The following HM13 variants were observed in gnomAD, a reference collection of about 807,000 sequenced individuals.
The protein encoded by HM13 is histocompatibility minor 13.
HM13 carries 18 observed loss-of-function variants against 50.0 expected under a neutral mutation model. That is an observed-to-expected ratio of 0.36 (90% CI 0.25 to 0.53). The LOEUF is 0.53. HM13 is among the 20% of genes least tolerant of loss of function. The pLI is 0.90. For missense variants in HM13, 393 were observed against 552.4 expected, an observed-to-expected ratio of 0.71 and a Z score of 2.89; for synonymous variants, 197 against 232.6, an observed-to-expected ratio of 0.85 and a Z score of 1.39.
At chr20:31,516,634 G>A (rs1981798805) in intron 1 of HM13, among the ~76,000 whole-genome samples, 1 of 152,194 alleles carries the variant, frequency 6.6e-6, no homozygotes, top group South Asian at 2.1e-4. Context: ...GAGAGGTACG[G>A]AGGCAGGAGG....
chr20:31,564,851 C>CAAAAAAAAA (rs11476071), intron 10 of HM13, among the ~76,000 whole-genome samples: 1 of 116,684 alleles, frequency 8.6e-6, no homozygotes, highest in Non-Finnish European at 1.9e-5. Context: ...CTCAAAATCA[C>CAAAAAAAAA]AAAAAAAAAA....
chr20:31,568,276 C>T (rs1241527886), intron 12 of HM13, 52 bp downstream of exon 12: 2 of 1,595,498 alleles, frequency 1.3e-6, no homozygotes, highest in South Asian at 1.1e-5. Context: ...GCCCCGGGGC[C>T]CAAGGTAGGG....
rs1160428855 is a variant in HM13 at position 31,514,724 on chromosome 20, C to T, written c.173C>T (p.Ala58Val). 6.5e-7 allele frequency: 1 copy of T among 1,535,996 alleles called. No individual in the cohort carries two copies. Among genetic ancestry groups the T allele is most frequent in the Non-Finnish European group, 8.8e-7 (1 of 1,141,694 alleles). ...FFGALRSVRCARGKNASDMPE... is the reference protein window; with the variant it reads ...FFGALRSVRCVRGKNASDMPE... The stretch of plus-strand genomic sequence containing the variant: ...GGCGCCCTGCGCTCCGTACGCTGCG[C>T]CCGCGGCAAGGTAGGGTCAGCGGGA... The change falls in exon 1 of 13, where the codon GCC (alanine) becomes GTC (valine). Residue 58 changes from alanine (A) to valine (V), a missense_variant. Around this residue, in one of 3 missense-constraint regions of HM13, gnomAD observed 214 missense variants for 276.1 expected, o/e 0.77. Transcript: ENST00000398174. The surrounding 1 kb of genome is among the most constrained non-coding windows in gnomAD (Gnocchi z 4.3).
chr20:31,527,715 C>G (rs1568782179), intron 2 of HM13, 133 bp downstream of exon 2: 2 of 650,722 alleles, frequency 3.1e-6, no homozygotes, highest in East Asian at 2.8e-5. Context: ...AATAATTCAC[C>G]CATAGACCTA....
chr20:31,525,605 G>T (rs1212714210), intron 1 of HM13, among the ~76,000 whole-genome samples: 1 of 152,044 alleles, frequency 6.6e-6, no homozygotes, highest in Non-Finnish European at 1.5e-5. Flanking sequence ...TGCAGAGTAG[G>T]CTTGTCCCAG....
At chr20:31,568,799 T>G (rs1188076573) in intron 12 of HM13, among the ~76,000 whole-genome samples, 1 of 152,142 alleles carries the variant, frequency 6.6e-6, no homozygotes, top group African/African-American at 2.4e-5. Context: ...GGCCACCCCT[T>G]TTTCCACGCT....
chr20:31,543,381 G>T (rs1286281023), intron 3 of HM13, among the ~76,000 whole-genome samples: 1 of 152,126 alleles, frequency 6.6e-6, no homozygotes, highest in Non-Finnish European at 1.5e-5. Flanking sequence ...TGCCCCCCGG[G>T]TTCAAGCAAT....
At chr20:31,533,276 G>T (rs796307857) in intron 2 of HM13, among the ~76,000 whole-genome samples, 2 of 152,358 alleles carry the variant, frequency 1.3e-5, no homozygotes, top group African/African-American at 4.8e-5. Context: ...GCCGAGGCGG[G>T]CAGATCACCT....
At chr20:31,568,346 C>T in intron 12 of HM13, 122 bp downstream of exon 12, 1 of 1,335,464 alleles carries the variant, frequency 7.5e-7, no homozygotes, top group Non-Finnish European at 9.9e-7. Flanking sequence ...GCCGCAAGAG[C>T]AGCTCCTCCA....
chr20:31,531,840 A>G (rs1012725701), intron 2 of HM13, among the ~76,000 whole-genome samples: 2 of 152,174 alleles, frequency 1.3e-5, no homozygotes, highest in Non-Finnish European at 2.9e-5. Context: ...GCAGGCTTAT[A>G]TTCCCAGCTA....
chr20:31,559,245 T>C (rs1189466789), intron 8 of HM13, among the ~76,000 whole-genome samples: 1 of 152,208 alleles, frequency 6.6e-6, no homozygotes, highest in Non-Finnish European at 1.5e-5. Context: ...TATGTCATAG[T>C]GTGGCTACCC....
intron 2 of HM13, chr20:31,527,867 C>T: frequency 3.4e-6 from 1 of 293,732 alleles, no homozygotes; most frequent in Admixed American, 5.2e-5. Context: ...ATAGCTTGTG[C>T]TCAGACATAC....
intron 10 of HM13, among the ~76,000 whole-genome samples, chr20:31,565,009 C>CA (rs902178354): frequency 6.8e-6 from 1 of 148,098 alleles, no homozygotes; most frequent in Non-Finnish European, 1.5e-5. Flanking sequence ...ACTAAAAATA[C>CA]AAAAAAATTA....
chr20:31,522,872 T>A (rs1982255992), intron 1 of HM13, among the ~76,000 whole-genome samples: 1 of 146,010 alleles, frequency 6.8e-6, no homozygotes, highest in Non-Finnish European at 1.5e-5. Context: ...AAAAAAAAAA[T>A]CACTTTCCCA....
chr20:31,524,791 G>T (rs1386545418), intron 1 of HM13, among the ~76,000 whole-genome samples: 1 of 144,382 alleles, frequency 6.9e-6, no homozygotes, highest in Non-Finnish European at 1.5e-5. Flanking sequence ...TTGGCTCACT[G>T]CACGCTCCGC....
chr20:31,516,954 C>T (rs1568776426), intron 1 of HM13, among the ~76,000 whole-genome samples: 1 of 152,198 alleles, frequency 6.6e-6, no homozygotes, highest in Non-Finnish European at 1.5e-5. Flanking sequence ...GAAATGACTT[C>T]TGAAGATCAC....
intron 1 of HM13, 145 bp from the exon 2 acceptor site, chr20:31,527,337 CAA>C (rs34469982): frequency 5.8e-3 from 2,964 of 507,004 alleles, no homozygotes; most frequent in African/African-American, 8.6e-3. Context: ...GACTCCATCT[CAA>C]AAAAAAAAAA....
chr20:31,555,383 G>C (rs41287072), intron 8 of HM13, among the ~76,000 whole-genome samples: 5 of 152,246 alleles, frequency 3.3e-5, no homozygotes, highest in Non-Finnish European at 7.3e-5. Context: ...GCTGGCCTTT[G>C]AGCCCCTGGA....
chr20:31,527,817 T>G (rs532192856), intron 2 of HM13: 1 of 475,608 alleles, frequency 2.1e-6, no homozygotes, highest in Non-Finnish European at 3.5e-6. Context: ...TTTTGTGATA[T>G]CAGTTTGGTT....
Sources: allele counts gnomAD v4.1 joint callset (sites outside exome capture counted in the v4.1 genomes callset), GRCh38; gene constraint gnomAD v4.1.1; regional missense constraint gnomAD v4.1.1; non-coding constraint Gnocchi (gnomAD v3.1); transcripts MANE v1.5; gene names NCBI Gene and HGNC (gene_info 2026-07-23, HGNC 2026-07-21).